Variants in USP31 observed in about 807,000 individuals in gnomAD.
The protein encoded by USP31 is ubiquitin carboxyl-terminal hydrolase 31.
Under a neutral mutation model 119.4 loss-of-function variants are expected in USP31, and 44 were observed. That is an observed-to-expected ratio of 0.37 (90% CI 0.29 to 0.47). The LOEUF (loss-of-function observed/expected upper bound fraction) is 0.47. USP31 is among the 20% of genes least tolerant of loss of function. USP31 has a pLI of 0.99. For missense variants in USP31, 1,643 were observed against 1,730.2 expected, an observed-to-expected ratio of 0.95 and a Z score of 0.89; for synonymous variants, 749 against 705.6, an observed-to-expected ratio of 1.06 and a Z score of -0.97.
intron 1 of USP31, among the ~76,000 whole-genome samples, chr16:23,139,312 G>C (rs543362497): frequency 2.0e-5 from 3 of 152,292 alleles, no homozygotes; most frequent in African/African-American, 7.2e-5. Context: ...TGAGGCAGGA[G>C]AATCACTTGA....
In USP31 at chr16:23,068,900, T is replaced by C; in HGVS notation, c.3205A>G (p.Lys1069Glu). The C allele has an allele frequency of 6.2e-7, 1 of 1,611,374 alleles. No individual in the cohort carries two copies. Reference sequence around the variant, plus strand: ...GCTTTGCTGCGGGAGCGGGAGGGCTTTAGAGAGACTTTTACAGGAAGAGGA... The same window carrying C: ...GCTTTGCTGCGGGAGCGGGAGGGCTCTAGAGAGACTTTTACAGGAAGAGGA... ...SSPLPVKVSL[K>E]PSRSRSKADS... The change falls in exon 16 of 16, where the codon AAG becomes GAG. Residue 1069 changes from lysine to glutamate, a missense_variant. By Grantham distance (56) the Lys-to-Glu change is moderately conservative (BLOSUM62 1). Coordinates refer to ENST00000219689, the MANE Select transcript of USP31 (RefSeq NM_020718.4).
At chr16:23,135,527 A>C (rs1903162865) in intron 1 of USP31, among the ~76,000 whole-genome samples, 1 of 152,218 alleles carries the variant, frequency 6.6e-6, no homozygotes, top group Non-Finnish European at 1.5e-5. Context: ...AATCAATTGC[A>C]CTTTTATATA....
chr16:23,120,411 A>C (rs1902628225), intron 1 of USP31, among the ~76,000 whole-genome samples: 1 of 152,264 alleles, frequency 6.6e-6, no homozygotes. Context: ...AGGCTGTTTA[A>C]AAACAAGAGA....
chr16:23,115,682 C>A, intron 1 of USP31: 1 of 670,180 alleles, frequency 1.5e-6, no homozygotes, highest in Non-Finnish European at 1.8e-6. Flanking sequence ...ACACATTTGA[C>A]CCCTGCTCCT....
intron 7 of USP31, among the ~76,000 whole-genome samples, chr16:23,090,172 G>A (rs1358269444): frequency 1.3e-5 from 2 of 152,090 alleles, no homozygotes; most frequent in Admixed American, 6.5e-5. Context: ...ATCGTCTGAG[G>A]TCAGGAGTTT....
At chr16:23,146,930 C>A (rs1903526569) in intron 1 of USP31, among the ~76,000 whole-genome samples, 2 of 150,134 alleles carry the variant, frequency 1.3e-5, no homozygotes, top group Admixed American at 1.3e-4. Flanking sequence ...GCTACTGTTA[C>A]CTGCCAATGC....
At chr16:23,082,831 C>CTTTTTTTTTTTTTTT (rs71151692) in intron 11 of USP31, among the ~76,000 whole-genome samples, 7 of 129,326 alleles carry the variant, frequency 5.4e-5, no homozygotes, top group Admixed American at 8.5e-5. Flanking sequence ...CTTTCTCTCT[C>CTTTTTTTTTTTTTTT]TTTTTTTTTT....
At chr16:23,101,655 T>C (rs1901866912) in intron 6 of USP31, among the ~76,000 whole-genome samples, 1 of 152,088 alleles carries the variant, frequency 6.6e-6, no homozygotes, top group South Asian at 2.1e-4. Flanking sequence ...TACTGATGCA[T>C]TAATAACCAC....
At chr16:23,073,570 G>A (rs1441297376) in intron 14 of USP31, 152 bp downstream of exon 14, 3 of 1,003,438 alleles carry the variant, frequency 3.0e-6, no homozygotes, top group African/African-American at 3.3e-5. Flanking sequence ...TTCCTTGACT[G>A]CAGTCATTTT....
Position 23,067,914 on chromosome 16 carries a change from C to G in USP31, c.*132G>C, listed in dbSNP as rs1420017807. 1.2e-6 allele frequency: 1 copy of G among 814,752 alleles called. No homozygotes were observed. The highest frequency in any genetic ancestry group is 3.7e-5 in the East Asian group (1 of 26,966). 50.5% of individuals were successfully genotyped at this position (814,752 alleles called of 1,614,324 possible). On this transcript the variant is annotated 3_prime_UTR_variant, in exon 16 of 16. Transcript: ENST00000219689. ...AATTAGACACACACACGCATACACT[C>G]ACACACACACACACAGTCGGGCACG...
intron 4 of USP31, among the ~76,000 whole-genome samples, chr16:23,105,972 G>A (rs1902083464): frequency 6.6e-6 from 1 of 152,074 alleles, no homozygotes; most frequent in South Asian, 2.1e-4. Flanking sequence ...CCCCAACCCC[G>A]ATACTATGTG....
At chr16:23,091,292 T>C (rs1057274550) in intron 6 of USP31, among the ~76,000 whole-genome samples, 3 of 152,214 alleles carry the variant, frequency 2.0e-5, no homozygotes, top group Non-Finnish European at 2.9e-5. Context: ...ATCTTCCAAC[T>C]TGGAATACAG....
At chr16:23,119,150 G>A (rs1297932091) in intron 1 of USP31, among the ~76,000 whole-genome samples, 1 of 149,586 alleles carries the variant, frequency 6.7e-6, no homozygotes, top group Non-Finnish European at 1.5e-5. Flanking sequence ...CCAGGCTGGA[G>A]TGCAGTGGCA....
chr16:23,069,097 A>G lies in USP31; in HGVS notation c.3008T>C (p.Val1003Ala). The change falls in exon 16 of 16, where the codon GTC becomes GCC. Residue 1003 changes from valine to alanine, a missense_variant. Physicochemically the swap from Val to Ala is moderately conservative, Grantham distance 64 (BLOSUM62 0). This residue lies in a region of USP31 where 699 missense variants were observed against 650.9 expected (regional missense o/e 1.07). Transcript: ENST00000219689. ...GTGGCTGGGGGCTTTCACCTCTTTGACTGGAGAGCTGTCTACGGAGTCGCT... is the reference window on the plus strand; with the variant it reads ...GTGGCTGGGGGCTTTCACCTCTTTGGCTGGAGAGCTGTCTACGGAGTCGCT... ...DQSDSVDSSP[V>A]KEVKAPSHPG... 6.2e-7 allele frequency: 1 copy of G among 1,612,636 alleles called. No homozygotes were observed. The highest frequency in any genetic ancestry group is 8.5e-7 in the Non-Finnish European group (1 of 1,179,992).
Position 23,061,999 on chromosome 16 carries a change from C to A in USP31, c.*6047G>T, listed in dbSNP as rs1046769486. On this transcript the variant is annotated 3_prime_UTR_variant, in exon 16 of 16. Transcript: ENST00000219689. ...AACTGCTTTTGCATTTGGTATGACA[C>A]CACACCGTTTATAATAGCACCTAGG... 2.6e-5 allele frequency: 4 copies of A among 152,644 alleles called. No individual in the cohort carries two copies. Among genetic ancestry groups the A allele is most frequent in the African/African-American group, 9.6e-5 (4 of 41,456 alleles). 9.5% of individuals were successfully genotyped at this position (152,644 alleles called of 1,614,324 possible). A position where few individuals can be genotyped will look rare whatever the true frequency, so the allele number is the denominator to read the frequency against.
Position 23,085,674 on chromosome 16 carries a change from G to A in USP31, c.1623-12C>T, listed in dbSNP as rs1034052007. The A allele has an allele frequency of 1.2e-6, 2 of 1,606,178 alleles. No individual in the cohort carries two copies. The highest frequency in any genetic ancestry group is 4.5e-5 in the East Asian group (2 of 44,818). On this transcript the variant is annotated splice_polypyrimidine_tract_variant and intron_variant, in intron 9 of 15. Coordinates refer to ENST00000219689, the MANE Select transcript of USP31 (RefSeq NM_020718.4). Reference sequence around the variant, plus strand: ...AAGATTTTAATGCCCTATAGAACCAGGGAAGTGGAGAGGGAAGCCACATAT... The same window carrying A: ...AAGATTTTAATGCCCTATAGAACCAAGGAAGTGGAGAGGGAAGCCACATAT...
rs766468025 is a variant in USP31 at position 23,072,178 on chromosome 16, C to G, written c.2355G>C (p.Leu785=). Residue 785 remains leucine (L), a synonymous_variant, in exon 15 of 16, where the codon CTG becomes CTC. Transcript: ENST00000219689. ...GGAGCCGGCTCACCCAGTGTTCACA[C>G]AGGGAAGAACTTGTGGAGCCTGCAG... ...SSVAGSTSSS[L]CEHWVSRLPG... 1.6e-5 allele frequency: 26 copies of G among 1,608,656 alleles called. No individual in the cohort carries two copies. Among genetic ancestry groups the G allele is most frequent in the Non-Finnish European group, 2.2e-5 (26 of 1,179,976 alleles).
At position 23,085,611 on chromosome 16, in the gene USP31, G is replaced by A. The variant is rs370735827; in HGVS notation, c.1674C>T (p.Val558=). 4.3e-6 allele frequency: 7 copies of A among 1,613,882 alleles called. No individual in the cohort carries two copies. The highest frequency in any genetic ancestry group is 1.1e-5 in the South Asian group (1 of 91,046). Residue 558 remains valine (V), a synonymous_variant, in exon 10 of 16, where the codon GTC becomes GTT. Coordinates refer to ENST00000219689, the MANE Select transcript of USP31 (RefSeq NM_020718.4). ...PGGTAHVKLV[V]EWDKETRDFL... ...AATCTCTTGTCTCCTTGTCCCACTC[G>A]ACTACTAATTTCACATGAGCAGTGC...
At chr16:23,115,060 T>C (rs1480012316) in intron 1 of USP31, among the ~76,000 whole-genome samples, 1 of 152,218 alleles carries the variant, frequency 6.6e-6, no homozygotes, top group African/African-American at 2.4e-5. Context: ...GGCAACTCAC[T>C]GAACCTGTGA....
Sources: allele counts gnomAD v4.1 joint callset (sites outside exome capture counted in the v4.1 genomes callset), GRCh38; gene constraint gnomAD v4.1.1; regional missense constraint gnomAD v4.1.1; transcripts MANE v1.5; gene names NCBI Gene and HGNC (gene_info 2026-07-23, HGNC 2026-07-21).